The following UQCRFS1 variants were observed in gnomAD, a reference collection of about 807,000 sequenced individuals.
UQCRFS1 encodes cytochrome b-c1 complex subunit Rieske, mitochondrial.
In UQCRFS1, 6 loss-of-function variants were observed where a neutral mutation model predicts 15.6. The ratio of observed to expected loss-of-function variants is 0.38; its 90% CI spans 0.21 to 0.76. The LOEUF is 0.76. UQCRFS1 is among the 30% of genes least tolerant of loss of function. The pLI is 0.44. For missense variants in UQCRFS1, 203 were observed against 366.7 expected, an observed-to-expected ratio of 0.55 and a Z score of 3.65; for synonymous variants, 105 against 154.3, an observed-to-expected ratio of 0.68 and a Z score of 2.37.
chr19:29,212,763 G>A (rs928539535), intron 1 of UQCRFS1, 142 bp downstream of exon 1: 15 of 881,118 alleles, frequency 1.7e-5, no homozygotes, highest in South Asian at 9.6e-5. Context: ...GAGCCCGGGG[G>A]CCAGGCCCAG....
chr19:29,208,146 A>G lies in UQCRFS1; in HGVS notation c.227T>C (p.Val76Ala), dbSNP rs1177275663. The change falls in exon 2 of 2, where the codon GTT becomes GCT. Residue 76 changes from valine to alanine, a missense_variant. Coordinates refer to ENST00000304863, the MANE Select transcript of UQCRFS1 (RefSeq NM_006003.3). ...CTTGATGTCTGTGTGGGAATAACAA[A>G]CAGAAGCAGGGACTGCAAGACAAAC... ...ASVGLNVPAS[V>A]CYSHTDIKVP... 6.2e-7 allele frequency: 1 copy of G among 1,610,170 alleles called. No individual in the cohort carries two copies. Among genetic ancestry groups the G allele is most frequent in the African/African-American group, 1.3e-5 (1 of 74,654 alleles).
At position 29,208,289 on chromosome 19, in the gene UQCRFS1, C is replaced by T. The variant is rs1446311735; in HGVS notation, c.215-131G>A. On this transcript the variant is annotated intron_variant, in intron 1 of 1. Coordinates refer to ENST00000304863, the MANE Select transcript of UQCRFS1 (RefSeq NM_006003.3). ...CTAAAAATGTGAAATATGGCACTCACTGGGTCTCAGAAATAGTCAAATTGG... is the reference window on the plus strand; with the variant it reads ...CTAAAAATGTGAAATATGGCACTCATTGGGTCTCAGAAATAGTCAAATTGG... The T allele has an allele frequency of 4.1e-5, 52 of 1,261,300 alleles. No homozygotes were observed. In the Admixed American group the frequency reaches 4.6e-4, roughly 11 times the overall value. The allele number at this position is 1,261,300 out of a possible 1,614,324, so 78.1% of individuals were successfully genotyped here. A position where few individuals can be genotyped will look rare whatever the true frequency, so the allele number is the denominator to read the frequency against.
rs368200463 is a variant in UQCRFS1, at chr19:29,207,699, A to G, written c.674T>C (p.Ile225Thr). 1.2e-6 allele frequency: 2 copies of G among 1,613,870 alleles called. No homozygotes were observed. The highest frequency in any genetic ancestry group is 1.3e-5 in the African/African-American group (1 of 74,922). Reference protein sequence around the residue: ...GVCTHLGCVPIANAGDFGGYY... With the variant: ...GVCTHLGCVPTANAGDFGGYY... ...ACCACCAAAATCTCCTGCATTTGCAATGGGTACACAGCCAAGATGAGTGCA... is the reference window on the plus strand; with the variant it reads ...ACCACCAAAATCTCCTGCATTTGCAGTGGGTACACAGCCAAGATGAGTGCA... The change falls in exon 2 of 2, where the codon ATT becomes ACT. Residue 225 changes from isoleucine (I) to threonine (T), a missense_variant. By Grantham distance (89) the Ile-to-Thr change is moderately conservative (BLOSUM62 -1). This residue lies in a region of UQCRFS1 where 91 missense variants were observed against 186.9 expected (regional missense o/e 0.49). Transcript: ENST00000304863.
intron 1 of UQCRFS1, among the ~76,000 whole-genome samples, chr19:29,209,574 C>G (rs1976624019): frequency 6.6e-6 from 1 of 152,130 alleles, no homozygotes; most frequent in African/African-American, 2.4e-5. Context: ...GACCAGGACA[C>G]AGATAATGGC....
chr19:29,212,823 C>A, intron 1 of UQCRFS1, 82 bp downstream of exon 1: 1 of 1,312,406 alleles, frequency 7.6e-7, no homozygotes, highest in South Asian at 2.0e-5. Flanking sequence ...GCTCGCGCGC[C>A]CGCGGCCGCT....
rs1470218277 is a variant in UQCRFS1 at position 29,207,170 on chromosome 19, C to T, written c.*378G>A. The T allele has an allele frequency of 5.4e-6, 1 of 184,410 alleles. No homozygotes were observed. Among genetic ancestry groups the T allele is most frequent in the African/African-American group, 2.4e-5 (1 of 41,932 alleles). 11.4% of individuals were successfully genotyped at this position (184,410 alleles called of 1,614,324 possible). The stretch of plus-strand genomic sequence containing the variant: ...CTTAGATGACCCGTTAATTTTACTT[C>T]ATCCCAACAATGACCGTGCAGAATC... On this transcript the variant is annotated 3_prime_UTR_variant, in exon 2 of 2. Coordinates refer to ENST00000304863, the MANE Select transcript of UQCRFS1 (RefSeq NM_006003.3).
In UQCRFS1 at chr19:29,206,525, C is replaced by T. The variant is rs937901743; in HGVS notation, c.*1023G>A. 1 of 152,228 alleles carries T rather than the reference C, an allele frequency of 6.6e-6. No individual in the cohort carries two copies. The highest frequency in any genetic ancestry group is 1.5e-5 in the Non-Finnish European group (1 of 68,054). 9.4% of individuals were successfully genotyped at this position (152,228 alleles called of 1,614,324 possible). ...CAAAGGACAAAGCCCACTCCCAACT[C>T]CCAGGGGAAAATGGACCTTAGTCTT... On this transcript the variant is annotated 3_prime_UTR_variant, in exon 2 of 2. Coordinates refer to ENST00000304863, the MANE Select transcript of UQCRFS1 (RefSeq NM_006003.3).
Position 29,211,649 on chromosome 19 carries a change from A to G in UQCRFS1, c.214+1256T>C, listed in dbSNP as rs141600255. Among the ~76,000 whole-genome samples the G allele has an allele frequency of 3.3e-5, 5 of 152,374 alleles. No individual in the cohort carries two copies. In the East Asian group the frequency reaches 9.6e-4, roughly 29 times the overall value. On this transcript the variant is annotated intron_variant, in intron 1 of 1. Transcript: ENST00000304863. ...TGTAAAGTGTATGTGCTACAGAGAC[A>G]GACAAATCAGCAAATAAAAACTTTA...
chr19:29,212,487 C>T (rs536509405), intron 1 of UQCRFS1, among the ~76,000 whole-genome samples: 6 of 152,130 alleles, frequency 3.9e-5, no homozygotes, highest in Middle Eastern at 3.4e-3. Flanking sequence ...ATTTCTTAAG[C>T]ATGTAAGTGC....
At chr19:29,211,524 A>G (rs1290730281) in intron 1 of UQCRFS1, among the ~76,000 whole-genome samples, 2 of 152,212 alleles carry the variant, frequency 1.3e-5, no homozygotes, top group South Asian at 4.1e-4. Flanking sequence ...ACTGTATACA[A>G]AATCCGACGT....
chr19:29,208,441 G>T (rs1029548847), intron 1 of UQCRFS1, among the ~76,000 whole-genome samples: 1 of 152,182 alleles, frequency 6.6e-6, no homozygotes, highest in Non-Finnish European at 1.5e-5. Context: ...GCTGATTCAG[G>T]ATTCACAACA....
chr19:29,207,382 A>T lies in UQCRFS1; in HGVS notation c.*166T>A. Reference sequence around the variant, plus strand: ...AGTGTCTTTATTAAGTGAATGCCTGAAAGTATTCAACATTAAATTCAATTT... The same window carrying T: ...AGTGTCTTTATTAAGTGAATGCCTGTAAGTATTCAACATTAAATTCAATTT... On this transcript the variant is annotated 3_prime_UTR_variant, in exon 2 of 2. Transcript: ENST00000304863. 1 of 908,542 alleles carries T rather than the reference A, an allele frequency of 1.1e-6. No homozygotes were observed. Among genetic ancestry groups the T allele is most frequent in the Non-Finnish European group, 1.6e-6 (1 of 614,272 alleles). 56.3% of individuals were successfully genotyped at this position (908,542 alleles called of 1,614,324 possible). A position where few individuals can be genotyped will look rare whatever the true frequency, so the allele number is the denominator to read the frequency against.
Position 29,207,314 on chromosome 19 carries a change from A to G in UQCRFS1, c.*234T>C, listed in dbSNP as rs35450984. 2.1e-6 allele frequency: 1 copy of G among 481,394 alleles called. No individual in the cohort carries two copies. Among genetic ancestry groups the G allele is most frequent in the Admixed American group, 3.9e-5 (1 of 25,514 alleles). 29.8% of individuals were successfully genotyped at this position (481,394 alleles called of 1,614,324 possible). On this transcript the variant is annotated 3_prime_UTR_variant, in exon 2 of 2. Transcript: ENST00000304863. The stretch of plus-strand genomic sequence containing the variant: ...TTTTAATTAGAATTAGCTAAAAGAC[A>G]TTGTACCTTTCGCGTGTATGACTGA...
rs1213847078 is a variant in UQCRFS1 at position 29,212,883 on chromosome 19, C to A, written c.214+22G>T. On this transcript the variant is annotated intron_variant, in intron 1 of 1. Transcript: ENST00000304863. ...GCACCGAGAGACCCCCAGCCCTGCT[C>A]GCGGCCCTCGCCCCGGCTCACCATT... 4.9e-6 allele frequency: 7 copies of A among 1,424,322 alleles called. No homozygotes were observed. In the East Asian group the frequency reaches 1.8e-4, roughly 37 times the overall value. 88.2% of individuals were successfully genotyped at this position (1,424,322 alleles called of 1,614,324 possible). A position where few individuals can be genotyped will look rare whatever the true frequency, so the allele number is the denominator to read the frequency against.
intron 1 of UQCRFS1, 76 bp downstream of exon 1, chr19:29,212,829 C>A: frequency 1.5e-6 from 2 of 1,320,740 alleles, no homozygotes; most frequent in Non-Finnish European, 1.9e-6. Context: ...GCGCCCGCGG[C>A]CGCTCCCTGC....
intron 1 of UQCRFS1, among the ~76,000 whole-genome samples, chr19:29,209,785 T>C (rs1976625834): frequency 1.3e-5 from 2 of 152,202 alleles, no homozygotes; most frequent in Admixed American, 1.3e-4. Flanking sequence ...AGTTCATACT[T>C]CTACATTAAA....
chr19:29,208,167 C>A lies in UQCRFS1; in HGVS notation c.215-9G>T. The A allele has an allele frequency of 6.3e-7, 1 of 1,598,068 alleles. No homozygotes were observed. Among genetic ancestry groups the A allele is most frequent in the Non-Finnish European group, 8.5e-7 (1 of 1,173,924 alleles). On this transcript the variant is annotated splice_polypyrimidine_tract_variant and intron_variant, in intron 1 of 1. Transcript: ENST00000304863. ...ACAAACAGAAGCAGGGACTGCAAGA[C>A]AAACAGAAGGTTAAAAAACACAATT...
Position 29,212,822 on chromosome 19 carries a change from C to T in UQCRFS1, c.214+83G>A, listed in dbSNP as rs936585650. The stretch of plus-strand genomic sequence containing the variant: ...ACCTGATTCAGGCTCCGCTCGCGCG[C>T]CCGCGGCCGCTCCCTGCTGGGGGCC... On this transcript the variant is annotated intron_variant, in intron 1 of 1. Transcript: ENST00000304863. The T allele has an allele frequency of 3.1e-5, 40 of 1,310,510 alleles. No homozygotes were observed. In the Middle Eastern group the frequency reaches 8.6e-4, roughly 28 times the overall value. The allele number at this position is 1,310,510 out of a possible 1,614,324, so 81.2% of individuals were successfully genotyped here.
intron 1 of UQCRFS1, among the ~76,000 whole-genome samples, chr19:29,212,130 C>T (rs1976659653): frequency 6.6e-6 from 1 of 152,122 alleles, no homozygotes; most frequent in African/African-American, 2.4e-5. Flanking sequence ...AGATGGAAGG[C>T]GAGGCAAAGA....
Sources: gnomAD v4.1 joint callset for allele counts (sites outside exome capture counted in the v4.1 genomes callset) on GRCh38, gnomAD v4.1.1 for gene constraint, gnomAD v4.1.1 regional missense constraint, MANE v1.5 for transcripts, NCBI Gene and HGNC (gene_info 2026-07-23, HGNC 2026-07-21) for gene names.